Variants in STX2 observed in about 807,000 individuals in gnomAD.
STX2 encodes the protein syntaxin-2.
Under a neutral mutation model 40.6 loss-of-function variants are expected in STX2, and 27 were observed. The ratio of observed to expected loss-of-function variants is 0.66; its 90% CI spans 0.49 to 0.92. The LOEUF is 0.92. Among genes scored for constraint, STX2 ranks in the 40% least tolerant of loss-of-function variants. The probability of loss-of-function intolerance (pLI) is 0.00; values close to 1 mark genes in which losing one functional copy is unlikely to be tolerated. For synonymous variants in STX2, 123 were observed against 119.1 expected (o/e 1.03, Z -0.22); for missense variants, 328 against 366.1 (o/e 0.90, Z 0.85).
chr12:130,798,558 T>G lies in STX2; in HGVS notation c.753A>C (p.Lys251Asn), dbSNP rs760909804. 1 of 1,605,808 alleles carries G rather than the reference T, an allele frequency of 6.2e-7. No individual in the cohort carries two copies. The highest frequency in any genetic ancestry group is 2.3e-5 in the East Asian group (1 of 44,338). ...DYVEHAKEET[K>N]KAIKYQSKAR... ...CCTTGCTCTGATATTTGATAGCTTTTTTTGTTTCTTCTTTAGCGTGTTCTA... is the reference window on the plus strand; with the variant it reads ...CCTTGCTCTGATATTTGATAGCTTTGTTTGTTTCTTCTTTAGCGTGTTCTA... Residue 251 changes from lysine (K) to asparagine (N), a missense_variant, in exon 9 of 11, where the codon AAA (lysine) becomes AAC (asparagine). Transcript: ENST00000392373.
chr12:130,828,877 A>AG (rs972704901), intron 1 of STX2, among the ~76,000 whole-genome samples: 9 of 149,376 alleles, frequency 6.0e-5, no homozygotes, highest in East Asian at 3.9e-4. Flanking sequence ...CAAAAAAAAA[A>AG]AAAAGAAAAG....
chr12:130,831,866 ATTTTTT>A (rs60003050), intron 1 of STX2, among the ~76,000 whole-genome samples: 2 of 106,626 alleles, frequency 1.9e-5, no homozygotes, highest in African/African-American at 3.2e-5. Context: ...CACTTCTGCA[ATTTTTT>A]TTTTTTTTTT....
At chr12:130,826,670 A>G (rs1034375148) in intron 2 of STX2, among the ~76,000 whole-genome samples, 1 of 152,242 alleles carries the variant, frequency 6.6e-6, no homozygotes, top group Non-Finnish European at 1.5e-5. Flanking sequence ...ATTATTTCAA[A>G]TATGATAAAT....
At chr12:130,801,097 T>C (rs1408168762) in intron 8 of STX2, 56 bp downstream of exon 8, 10 of 1,556,612 alleles carry the variant, frequency 6.4e-6, no homozygotes, top group Non-Finnish European at 8.7e-6. Flanking sequence ...TGGGATGCAG[T>C]AAGATTTTAC....
chr12:130,801,596 A>G, intron 6 of STX2, 108 bp from the exon 7 acceptor site: 1 of 1,239,034 alleles, frequency 8.1e-7, no homozygotes, highest in Non-Finnish European at 1.1e-6. Context: ...AGCATTTTTC[A>G]GTAATTTTTT....
intron 2 of STX2, among the ~76,000 whole-genome samples, chr12:130,826,437 C>G (rs1481519726): frequency 1.3e-5 from 2 of 152,182 alleles, no homozygotes; most frequent in Non-Finnish European, 2.9e-5. Flanking sequence ...GCAGCCAGCA[C>G]CGGGTGGGAG....
chr12:130,814,695 G>C (rs1951794733), intron 3 of STX2, among the ~76,000 whole-genome samples: 1 of 149,014 alleles, frequency 6.7e-6, no homozygotes, highest in Non-Finnish European at 1.5e-5. Context: ...GGAGTGCAGT[G>C]GCACAATCTC....
At chr12:130,808,601 A>G in intron 5 of STX2, 30 bp downstream of exon 5, 1 of 1,585,408 alleles carries the variant, frequency 6.3e-7, no homozygotes, top group South Asian at 1.2e-5. Context: ...CTGCGACATT[A>G]CTTTAATCTA....
In STX2 at chr12:130,821,922, C is replaced by T. The variant is rs551008334; in HGVS notation, c.106-134G>A. 3.5e-4 allele frequency: 206 copies of T among 588,970 alleles called. No homozygotes were observed. The African/African-American group carries it at 3.5e-3, about 10-fold the overall frequency. 36.5% of individuals were successfully genotyped at this position (588,970 alleles called of 1,614,324 possible). A position where few individuals can be genotyped will look rare whatever the true frequency, so the allele number is the denominator to read the frequency against. ...GAAATAAAAGCCTCTCCCATTCTCA[C>T]ACTGGTATCGTTAAATTTAAAAAAT... On this transcript the variant is annotated intron_variant, in intron 2 of 10. Coordinates refer to ENST00000392373, the MANE Select transcript of STX2 (RefSeq NM_194356.4).
chr12:130,799,509 A>C (rs553598800), intron 8 of STX2, among the ~76,000 whole-genome samples: 1 of 152,230 alleles, frequency 6.6e-6, no homozygotes, highest in Non-Finnish European at 1.5e-5. Flanking sequence ...TGCTTCCTGG[A>C]AATAAGTAAC....
chr12:130,809,257 C>T (rs1018429201), intron 4 of STX2, among the ~76,000 whole-genome samples: 2 of 151,980 alleles, frequency 1.3e-5, no homozygotes, highest in East Asian at 3.9e-4. Context: ...TATATACACA[C>T]ATATATACAA....
At chr12:130,815,529 C>A (rs1194402491) in intron 3 of STX2, among the ~76,000 whole-genome samples, 2 of 152,254 alleles carry the variant, frequency 1.3e-5, no homozygotes, top group Non-Finnish European at 2.9e-5. Flanking sequence ...CTGACTCCAG[C>A]TTACAAATAA....
intron 2 of STX2, 52 bp from the exon 3 acceptor site, chr12:130,821,840 C>T: frequency 8.8e-7 from 1 of 1,137,064 alleles, no homozygotes; most frequent in Non-Finnish European, 1.3e-6. Flanking sequence ...TCTGTGACCA[C>T]TTTTCATCCC....
At position 130,791,716 on chromosome 12, in the gene STX2, T is replaced by C. The variant is rs1361450101; in HGVS notation, c.*307A>G. 5.3e-6 allele frequency: 3 copies of C among 567,604 alleles called. No individual in the cohort carries two copies. The East Asian group carries it at 9.1e-5, about 17-fold the overall frequency. The allele number at this position is 567,604 out of a possible 1,614,324, so 35.2% of individuals were successfully genotyped here. Reference sequence around the variant, plus strand: ...TCAGGGTCACGCATCACACCCACTGTGCTTACGGCGCTGTCACTGAACAAG... The same window carrying C: ...TCAGGGTCACGCATCACACCCACTGCGCTTACGGCGCTGTCACTGAACAAG... On this transcript the variant is annotated 3_prime_UTR_variant, in exon 11 of 11. Transcript: ENST00000392373.
At chr12:130,810,737 C>T (rs1230461529) in intron 4 of STX2, 2 of 152,344 alleles carry the variant, frequency 1.3e-5, no homozygotes, top group African/African-American at 2.4e-5. Context: ...CAAGCAGCAA[C>T]AGAGACTCTC....
In STX2 at chr12:130,814,283, A is replaced by G. The variant is rs149113479; in HGVS notation, c.206-1252T>C. Among the ~76,000 whole-genome samples the G allele has an allele frequency of 4.8e-3, 737 of 152,228 alleles. 2 individuals carry two copies. The highest frequency in any genetic ancestry group is 0.017 in the African/African-American group (700 of 41,540). On this transcript the variant is annotated intron_variant, in intron 3 of 10. Transcript: ENST00000392373. ...CGGTAAAAACAGACAAGACAAACCCAGGAAGCGCCAATGCCACGCAGAGAC... is the reference window on the plus strand; with the variant it reads ...CGGTAAAAACAGACAAGACAAACCCGGGAAGCGCCAATGCCACGCAGAGAC...
intron 3 of STX2, among the ~76,000 whole-genome samples, chr12:130,818,185 A>AAAAAAAAAAATAT: frequency 2.1e-4 from 15 of 70,540 alleles, no homozygotes; most frequent in Non-Finnish European, 3.2e-4. Flanking sequence ...AAAAAAAAAA[A>AAAAAAAAAAATAT]ATATATATAT....
chr12:130,796,692 A>G (rs956412236), intron 9 of STX2, among the ~76,000 whole-genome samples: 3 of 152,110 alleles, frequency 2.0e-5, no homozygotes, highest in Non-Finnish European at 4.4e-5. Flanking sequence ...CACATTTCTG[A>G]TGACTGAGAC....
intron 1 of STX2, among the ~76,000 whole-genome samples, chr12:130,831,760 CTTT>C (rs1254636721): frequency 6.6e-6 from 1 of 151,320 alleles, no homozygotes; most frequent in South Asian, 2.1e-4. Context: ...AAATGTTATA[CTTT>C]TTTATTTTTT....
Sources: allele counts gnomAD v4.1 joint callset (sites outside exome capture counted in the v4.1 genomes callset), GRCh38; gene constraint gnomAD v4.1.1; transcripts MANE v1.5; gene names NCBI Gene and HGNC (gene_info 2026-07-23, HGNC 2026-07-21).